The following IRGM variants were observed in gnomAD, a reference collection of about 807,000 sequenced individuals.
IRGM encodes immunity-related GTPase family M protein.
For missense variants in IRGM, 288 were observed against 219.9 expected (o/e 1.31, Z -1.96); for synonymous variants, 98 against 80.6 (o/e 1.22, Z -1.16).
chr5:150,852,914 A>G (rs1411059056), downstream of IRGM, among the ~76,000 whole-genome samples: 1 of 152,054 alleles, frequency 6.6e-6, no homozygotes, highest in East Asian at 1.9e-4. Context: ...TCTTTACTGT[A>G]TTTTTAGGCA....
chr5:150,870,364 A>G (rs971770379), intron 1 of IRGM, among the ~76,000 whole-genome samples: 1 of 152,262 alleles, frequency 6.6e-6, no homozygotes, highest in East Asian at 1.9e-4. Flanking sequence ...GACAAAGCTC[A>G]TATCAGTGCT....
At chr5:150,872,179 A>C (rs1754294573) in intron 1 of IRGM, among the ~76,000 whole-genome samples, 1 of 152,240 alleles carries the variant, frequency 6.6e-6, no homozygotes. Context: ...GGTTTTTGTG[A>C]ATCTATAATA....
At chr5:150,858,105 A>T (rs531746340) in intron 1 of IRGM, among the ~76,000 whole-genome samples, 1 of 152,216 alleles carries the variant, frequency 6.6e-6, no homozygotes, top group African/African-American at 2.4e-5. Flanking sequence ...TTTTTGTATA[A>T]GGTGTAAGGA....
chr5:150,879,780 T>G (rs1390706913), intron 3 of IRGM: 1 of 152,228 alleles, frequency 6.6e-6, no homozygotes, highest in Non-Finnish European at 1.5e-5. Flanking sequence ...AGGCATGAGA[T>G]TCCAGAGAAA....
At chr5:150,892,696 A>G (rs1171524800) in intron 3 of IRGM, among the ~76,000 whole-genome samples, 1 of 152,054 alleles carries the variant, frequency 6.6e-6, no homozygotes, top group African/African-American at 2.4e-5. Context: ...CCCTTTAACT[A>G]TTTGAGGAGG....
At chr5:150,891,475 G>GT (rs1754609456) in intron 3 of IRGM, among the ~76,000 whole-genome samples, 1 of 151,674 alleles carries the variant, frequency 6.6e-6, no homozygotes, top group Non-Finnish European at 1.5e-5. Context: ...TATTTGTTCT[G>GT]TTTTTTGTTC....
chr5:150,848,357 TTTCTC>T lies in IRGM; in HGVS notation c.238_242del (p.Ser80ProfsTer33). 1 of 1,551,848 alleles carries T rather than the reference TTTCTC, an allele frequency of 6.4e-7. No individual in the cohort carries two copies. The highest frequency in any genetic ancestry group is 8.7e-7 in the Non-Finnish European group (1 of 1,146,984). On this transcript the variant is annotated frameshift_variant, in exon 2 of 2. Coordinates refer to ENST00000522154, the MANE Select transcript of IRGM (RefSeq NM_001145805.2). LOFTEE classifies it low-confidence loss of function (END_TRUNC). ...AAGCTACCCAAAGATGTGCCTCCTA[TTTCTC>T]TTCCCACTTTTCAAATGTGGTGTTG...
intron 1 of IRGM, among the ~76,000 whole-genome samples, chr5:150,870,914 G>T (rs1033343759): frequency 1.3e-5 from 2 of 151,602 alleles, no homozygotes; most frequent in African/African-American, 4.8e-5. Context: ...TATCCGTCTT[G>T]ATCGAATCTG....
chr5:150,897,582 A>G (rs1330664770), intron 3 of IRGM: 1 of 158,350 alleles, frequency 6.3e-6, no homozygotes, highest in Non-Finnish European at 1.4e-5. Context: ...TTGTTCATAT[A>G]CTCTCTCTCC....
At chr5:150,889,501 G>T (rs1161041915) in intron 3 of IRGM, among the ~76,000 whole-genome samples, 1 of 152,044 alleles carries the variant, frequency 6.6e-6, no homozygotes, top group Non-Finnish European at 1.5e-5. Flanking sequence ...TGAGATTTGG[G>T]TGGGGACACA....
At chr5:150,866,535 T>C (rs1233612698) in intron 1 of IRGM, among the ~76,000 whole-genome samples, 1 of 152,230 alleles carries the variant, frequency 6.6e-6, no homozygotes, top group African/African-American at 2.4e-5. Flanking sequence ...CAACCCATTG[T>C]CTTTTTGGTA....
At chr5:150,883,584 C>A in intron 3 of IRGM, among the ~76,000 whole-genome samples, 1 of 151,728 alleles carries the variant, frequency 6.6e-6, no homozygotes, top group Non-Finnish European at 1.5e-5. Context: ...AATTGAAATA[C>A]AAAGGATTAT....
chr5:150,890,944 A>T (rs1001909676), intron 3 of IRGM, among the ~76,000 whole-genome samples: 3 of 152,096 alleles, frequency 2.0e-5, no homozygotes, highest in Non-Finnish European at 4.4e-5. Flanking sequence ...AATGTCAACT[A>T]GGTCAAATTG....
At chr5:150,875,590 G>T (rs904752866) in intron 1 of IRGM, among the ~76,000 whole-genome samples, 5 of 152,194 alleles carry the variant, frequency 3.3e-5, no homozygotes, top group African/African-American at 1.2e-4. Flanking sequence ...TGGATAGGAT[G>T]ACTCATTCTG....
chr5:150,857,947 A>T (rs1754081794), intron 1 of IRGM, among the ~76,000 whole-genome samples: 1 of 151,734 alleles, frequency 6.6e-6, no homozygotes, highest in African/African-American at 2.4e-5. Context: ...CCATTTGTCA[A>T]TTTTGGCTTT....
chr5:150,853,122 C>T (rs1053026053), downstream of IRGM, among the ~76,000 whole-genome samples: 1 of 152,024 alleles, frequency 6.6e-6, no homozygotes, highest in Non-Finnish European at 1.5e-5. Flanking sequence ...TTTACAGCGT[C>T]CCATTAGTTT....
intron 3 of IRGM, among the ~76,000 whole-genome samples, chr5:150,899,339 T>C (rs1168614330): frequency 6.6e-6 from 1 of 151,964 alleles, no homozygotes; most frequent in Non-Finnish European, 1.5e-5. Context: ...CTAAAGGCCA[T>C]AAAAGTAACA....
chr5:150,855,469 G>C (rs991275227), intron 1 of IRGM, among the ~76,000 whole-genome samples: 3 of 152,130 alleles, frequency 2.0e-5, no homozygotes, highest in Admixed American at 1.3e-4. Flanking sequence ...CCAGAGAAGT[G>C]ACTGAAACGG....
chr5:150,884,982 T>A (rs539920223), intron 3 of IRGM, among the ~76,000 whole-genome samples: 67 of 152,294 alleles, frequency 4.4e-4, no homozygotes, highest in African/African-American at 1.5e-3. Flanking sequence ...TGTCATTAAA[T>A]CTTTGCCCAT....
Sources: gnomAD v4.1 joint callset for allele counts (sites outside exome capture counted in the v4.1 genomes callset) on GRCh38, gnomAD v4.1.1 for gene constraint, MANE v1.5 for transcripts, NCBI Gene and HGNC (gene_info 2026-07-23, HGNC 2026-07-21) for gene names.